The following SNTB1 variants were observed in gnomAD, a reference collection of about 807,000 sequenced individuals.
SNTB1 encodes beta-1-syntrophin.
A neutral mutation model predicts 48.9 loss-of-function variants in SNTB1; 36 were observed. That is an observed-to-expected ratio of 0.74 (90% CI 0.56 to 0.97). The LOEUF is 0.97. Ranked by LOEUF, SNTB1 falls within the 50% of genes least tolerant of loss-of-function variation. The pLI is 0.00. For missense variants in SNTB1, 786 were observed against 703.4 expected (o/e 1.12, Z -1.33); for synonymous variants, 299 against 294.6 (o/e 1.01, Z -0.15).
chr8:120,769,173 C>A (rs1003590958), intron 1 of SNTB1: 3 of 152,206 alleles, frequency 2.0e-5, no homozygotes, highest in African/African-American at 7.2e-5. Context: ...GTAGAACAAG[C>A]CCCCATTTCA....
At chr8:120,612,995 G>T (rs1030495502) in intron 3 of SNTB1, among the ~76,000 whole-genome samples, 2 of 152,104 alleles carry the variant, frequency 1.3e-5, no homozygotes, top group Non-Finnish European at 2.9e-5. Flanking sequence ...GATGTTAAGC[G>T]AAATAAGTCA....
At chr8:120,569,921 A>G (rs1473292034) in intron 4 of SNTB1, among the ~76,000 whole-genome samples, 1 of 152,220 alleles carries the variant, frequency 6.6e-6, no homozygotes, top group Non-Finnish European at 1.5e-5. Context: ...GCTGAGGCTG[A>G]GACTTTGCCT....
In SNTB1 at chr8:120,575,166, G is replaced by A. The variant is rs1255128839; in HGVS notation, c.1056C>T (p.Asp352=). The A allele has an allele frequency of 6.2e-7, 1 of 1,613,996 alleles. No individual in the cohort carries two copies. The highest frequency in any genetic ancestry group is 1.7e-5 in the Admixed American group (1 of 59,990). ...KPALVVLTEK[D]LLIYDSMPRR... is the part of the protein sequence containing the mutation. ...GTGGCATGCTGTCATAGATTAAAAGGTCTTTCTCAGTCAGCACAACCAGGG... is the reference window on the plus strand; with the variant it reads ...GTGGCATGCTGTCATAGATTAAAAGATCTTTCTCAGTCAGCACAACCAGGG... Residue 352 remains aspartate, a synonymous_variant, in exon 4 of 7, where the codon GAC becomes GAT. Transcript: ENST00000517992.
intron 2 of SNTB1, among the ~76,000 whole-genome samples, chr8:120,661,586 C>A (rs756563008): frequency 6.6e-6 from 1 of 152,040 alleles, no homozygotes; most frequent in Admixed American, 6.5e-5. Context: ...CCTATCAACC[C>A]GTCATCTAGG....
chr8:120,691,648 C>T (rs1429983753), intron 2 of SNTB1, among the ~76,000 whole-genome samples: 1 of 152,172 alleles, frequency 6.6e-6, no homozygotes, highest in Non-Finnish European at 1.5e-5. Context: ...CAGTTCTTCC[C>T]ACTTTTCTAG....
intron 3 of SNTB1, among the ~76,000 whole-genome samples, chr8:120,589,622 C>A (rs1816206072): frequency 6.6e-6 from 1 of 151,884 alleles, no homozygotes; most frequent in East Asian, 1.9e-4. Context: ...TGGTGAGGGC[C>A]CCCTTCCTGG....
At chr8:120,717,261 C>T (rs1371079794) in intron 1 of SNTB1, among the ~76,000 whole-genome samples, 2 of 152,174 alleles carry the variant, frequency 1.3e-5, no homozygotes, top group South Asian at 2.1e-4. Context: ...GCTGCCTAGG[C>T]GATATGAAAT....
intron 1 of SNTB1, among the ~76,000 whole-genome samples, chr8:120,729,300 G>C (rs1328141919): frequency 1.3e-5 from 2 of 152,156 alleles, no homozygotes; most frequent in Non-Finnish European, 2.9e-5. Flanking sequence ...TTTAATAATA[G>C]TCATTCTGAC....
At chr8:120,686,995 CA>C (rs1160834796) in intron 2 of SNTB1, among the ~76,000 whole-genome samples, 2 of 152,006 alleles carry the variant, frequency 1.3e-5, no homozygotes, top group African/African-American at 4.8e-5. Flanking sequence ...TTTTCACAAA[CA>C]AAGACTTACA....
At chr8:120,590,178 G>A (rs529826643) in intron 3 of SNTB1, among the ~76,000 whole-genome samples, 1 of 152,326 alleles carries the variant, frequency 6.6e-6, no homozygotes, top group South Asian at 2.1e-4. Flanking sequence ...AATAGGAAAT[G>A]ATATAAGTGT....
intron 1 of SNTB1, among the ~76,000 whole-genome samples, chr8:120,793,410 G>A (rs1387113085): frequency 6.6e-6 from 1 of 152,016 alleles, no homozygotes; most frequent in Non-Finnish European, 1.5e-5. Context: ...ACCTCCTGGT[G>A]GATTTTTCCA....
At chr8:120,564,735 A>AT (rs1343089273) in intron 4 of SNTB1, among the ~76,000 whole-genome samples, 2 of 151,184 alleles carry the variant, frequency 1.3e-5, no homozygotes, top group South Asian at 2.1e-4. Flanking sequence ...TGCCTGGCTA[A>AT]TTTTTTTGTA....
chr8:120,729,375 G>A (rs1818815845), intron 1 of SNTB1, among the ~76,000 whole-genome samples: 1 of 152,170 alleles, frequency 6.6e-6, no homozygotes, highest in South Asian at 2.1e-4. Context: ...GTATGTGCTG[G>A]ACACTCTTTA....
At chr8:120,790,936 C>A (rs2130152671) in intron 1 of SNTB1, among the ~76,000 whole-genome samples, 1 of 151,860 alleles carries the variant, frequency 6.6e-6, no homozygotes, top group Middle Eastern at 3.4e-3. Flanking sequence ...ATAGCCAAGG[C>A]AATCCTAAGC....
intron 2 of SNTB1, among the ~76,000 whole-genome samples, chr8:120,651,828 G>C (rs1024810819): frequency 6.6e-5 from 10 of 152,110 alleles, no homozygotes; most frequent in Non-Finnish European, 1.5e-4. Context: ...TAAAGTCAGA[G>C]AGCCAAAAAT....
At chr8:120,551,957 A>G (rs1217532797) in intron 4 of SNTB1, among the ~76,000 whole-genome samples, 13 of 152,142 alleles carry the variant, frequency 8.5e-5, no homozygotes, top group Admixed American at 8.5e-4. Flanking sequence ...ATTCAATAAA[A>G]ACTGGTTCCC....
At chr8:120,753,793 C>T (rs773083147) in intron 1 of SNTB1, among the ~76,000 whole-genome samples, 6 of 152,084 alleles carry the variant, frequency 3.9e-5, no homozygotes, top group Non-Finnish European at 8.8e-5. Context: ...ACACATTTAA[C>T]ATTTTAACCA....
At chr8:120,752,915 C>A (rs1251977861) in intron 1 of SNTB1, among the ~76,000 whole-genome samples, 6 of 150,908 alleles carry the variant, frequency 4.0e-5, no homozygotes, top group African/African-American at 9.8e-5. Context: ...TACACCAAAC[C>A]CCAGCAACAT....
intron 1 of SNTB1, among the ~76,000 whole-genome samples, chr8:120,713,497 C>G (rs554183157): frequency 3.3e-5 from 5 of 152,188 alleles, no homozygotes; most frequent in South Asian, 2.1e-4. Context: ...TTTGGGAGGT[C>G]AAGGTGGGTG....
Sources: allele counts gnomAD v4.1 joint callset (sites outside exome capture counted in the v4.1 genomes callset), GRCh38; gene constraint gnomAD v4.1.1; transcripts MANE v1.5; gene names NCBI Gene and HGNC (gene_info 2026-07-23, HGNC 2026-07-21).